PCDH15: variants seen among roughly 807,000 people sequenced by gnomAD.
PCDH15 encodes protocadherin related 15.
Under a neutral mutation model 178.5 loss-of-function variants are expected in PCDH15, and 129 were observed. The ratio of observed to expected loss-of-function variants is 0.72; its 90% CI spans 0.63 to 0.84. The LOEUF (loss-of-function observed/expected upper bound fraction) is 0.84. PCDH15 is among the 40% of genes least tolerant of loss of function. The pLI is 0.00. For missense variants in PCDH15, 2,230 were observed against 2,099.9 expected (o/e 1.06, Z -1.21); for synonymous variants, 800 against 732.0 (o/e 1.09, Z -1.50).
intron 3 of PCDH15, among the ~76,000 whole-genome samples, chr10:54,496,696 T>C (rs1341688902): frequency 2.0e-5 from 3 of 152,188 alleles, no homozygotes; most frequent in Admixed American, 2.0e-4. Context: ...AACACTGCGA[T>C]GATAGAAATT....
intron 13 of PCDH15, among the ~76,000 whole-genome samples, chr10:54,171,143 C>A (rs1344022584): frequency 3.3e-5 from 5 of 152,080 alleles, no homozygotes; most frequent in African/African-American, 1.2e-4. Flanking sequence ...GCCTTCCCAC[C>A]TCAATACAGT....
intron 1 of PCDH15, among the ~76,000 whole-genome samples, chr10:54,763,618 T>C (rs1948151087): frequency 6.6e-6 from 1 of 151,964 alleles, no homozygotes; most frequent in Non-Finnish European, 1.5e-5. Context: ...ATTTGAAATG[T>C]TCCCAAAACA....
At chr10:54,275,592 AT>A (rs1168196461) in intron 8 of PCDH15, among the ~76,000 whole-genome samples, 1 of 151,870 alleles carries the variant, frequency 6.6e-6, no homozygotes, top group Non-Finnish European at 1.5e-5. Context: ...ACCTAGTAAT[AT>A]TTCCCAAAGA....
At chr10:55,402,724 T>C (rs185099639) in intron 2 of PCDH15, among the ~76,000 whole-genome samples, 4 of 152,180 alleles carry the variant, frequency 2.6e-5, no homozygotes, top group Admixed American at 6.6e-5. Context: ...ATTTATCTAT[T>C]CATGGACACT....
chr10:54,477,050 T>C (rs1050842112), intron 3 of PCDH15, among the ~76,000 whole-genome samples: 1 of 152,116 alleles, frequency 6.6e-6, no homozygotes, highest in African/African-American at 2.4e-5. Context: ...AGCCTCCTAA[T>C]CCATAAATAG....
In PCDH15 at chr10:54,244,422, T is replaced by C. The variant is rs553337200; in HGVS notation, c.877-7491A>G. On this transcript the variant is annotated intron_variant, in intron 8 of 37. Transcript: ENST00000644397. The stretch of plus-strand genomic sequence containing the variant: ...AGGCAATAAAAACCTTGGCTGGTGG[T>C]AACCCGGTAATTATTTTCCATGAAT... Among the ~76,000 whole-genome samples, 3 of 152,302 alleles carry C rather than the reference T, an allele frequency of 2.0e-5. No homozygotes were observed. The East Asian group carries it at 5.8e-4, about 29-fold the overall frequency.
chr10:54,707,527 A>T (rs1297150431), intron 1 of PCDH15, among the ~76,000 whole-genome samples: 1 of 152,156 alleles, frequency 6.6e-6, no homozygotes, highest in East Asian at 1.9e-4. Context: ...AGACTAAATA[A>T]ATACACAAAT....
intron 1 of PCDH15, among the ~76,000 whole-genome samples, chr10:54,685,550 T>C (rs2094981457): frequency 6.6e-6 from 1 of 152,162 alleles, no homozygotes; most frequent in Non-Finnish European, 1.5e-5. Flanking sequence ...GGGACCACCA[T>C]TGTATATGTT....
At chr10:55,613,092 C>T (rs1224228804) in intron 2 of PCDH15, among the ~76,000 whole-genome samples, 1 of 143,890 alleles carries the variant, frequency 6.9e-6, no homozygotes, top group African/African-American at 2.6e-5. Flanking sequence ...GGCACAATCT[C>T]GGCTCACTGC....
intron 2 of PCDH15, among the ~76,000 whole-genome samples, chr10:55,085,364 G>A (rs1056954288): frequency 1.3e-5 from 2 of 151,782 alleles, no homozygotes; most frequent in Non-Finnish European, 2.9e-5. Flanking sequence ...AGTTTGTGGT[G>A]GAGAAGTGGC....
chr10:55,382,540 G>T (rs1358156839), intron 2 of PCDH15, among the ~76,000 whole-genome samples: 1 of 152,168 alleles, frequency 6.6e-6, no homozygotes, highest in Admixed American at 6.5e-5. Flanking sequence ...TTCTCAGCTA[G>T]AGTACAAAGG....
intron 2 of PCDH15, among the ~76,000 whole-genome samples, chr10:54,974,072 C>T (rs1348414012): frequency 6.6e-6 from 1 of 151,344 alleles, no homozygotes; most frequent in African/African-American, 2.4e-5. Context: ...CACACACACA[C>T]ACACACACAC....
chr10:54,684,460 A>C (rs2135706047), intron 1 of PCDH15, among the ~76,000 whole-genome samples: 1 of 152,152 alleles, frequency 6.6e-6, no homozygotes. Context: ...AAAATGTTAA[A>C]GCATATGTGG....
intron 1 of PCDH15, among the ~76,000 whole-genome samples, chr10:55,275,286 T>TA (rs1302363712): frequency 5.3e-5 from 8 of 152,050 alleles, no homozygotes; most frequent in Non-Finnish European, 1.2e-4. Context: ...CTTCTATTTC[T>TA]ACTCCCACTT....
chr10:55,339,240 C>G (rs1308110056), intron 2 of PCDH15, among the ~76,000 whole-genome samples: 1 of 152,050 alleles, frequency 6.6e-6, no homozygotes, highest in Non-Finnish European at 1.5e-5. Context: ...TGTATTAAAA[C>G]ATCACATGTG....
At chr10:55,590,715 T>A (rs1306058923) in intron 2 of PCDH15, among the ~76,000 whole-genome samples, 2 of 152,168 alleles carry the variant, frequency 1.3e-5, no homozygotes, top group Non-Finnish European at 2.9e-5. Context: ...CTCTCTAGTG[T>A]TGTCTGACAA....
chr10:55,430,360 G>T (rs1389744506), intron 2 of PCDH15, among the ~76,000 whole-genome samples: 1 of 152,050 alleles, frequency 6.6e-6, no homozygotes, highest in Non-Finnish European at 1.5e-5. Flanking sequence ...ATCTGGATAG[G>T]TAAATAGCCA....
At chr10:54,311,601 C>A (rs534937443) in intron 8 of PCDH15, among the ~76,000 whole-genome samples, 47 of 152,070 alleles carry the variant, frequency 3.1e-4, no homozygotes, top group Admixed American at 5.9e-4. Flanking sequence ...GCATCCTCAA[C>A]GTAGTTTGGC....
intron 18 of PCDH15, among the ~76,000 whole-genome samples, chr10:54,038,887 AT>A (rs1171832585): frequency 1.3e-5 from 2 of 152,012 alleles, no homozygotes; most frequent in Non-Finnish European, 2.9e-5. Flanking sequence ...TTGTTTTCAA[AT>A]GAAACAGCCA....
Sources: allele counts gnomAD v4.1 joint callset (sites outside exome capture counted in the v4.1 genomes callset), GRCh38; gene constraint gnomAD v4.1.1; transcripts MANE v1.5; gene names NCBI Gene and HGNC (gene_info 2026-07-23, HGNC 2026-07-21).